Variants in TP53BP2 observed in about 807,000 individuals in gnomAD.
TP53BP2 encodes tumor protein p53 binding protein 2.
In TP53BP2, 62 loss-of-function variants were observed where a neutral mutation model predicts 126.2. That is an observed-to-expected ratio of 0.49 (90% CI 0.40 to 0.61). TP53BP2 has a LOEUF of 0.61. TP53BP2 is among the 20% of genes least tolerant of loss of function. The probability of loss-of-function intolerance (pLI) is 0.00; values close to 1 mark genes in which losing one functional copy is unlikely to be tolerated. For synonymous variants in TP53BP2, 485 were observed against 502.9 expected (o/e 0.96, Z 0.48); for missense variants, 1,215 against 1,402.8 (o/e 0.87, Z 2.14).
At chr1:223,843,742 T>C (rs1363258786) in intron 1 of TP53BP2, among the ~76,000 whole-genome samples, 1 of 152,224 alleles carries the variant, frequency 6.6e-6, no homozygotes, top group Non-Finnish European at 1.5e-5. Context: ...ATTACATTTA[T>C]GTTGGAATAA....
At chr1:223,831,865 A>T (rs1663746176) in intron 1 of TP53BP2, among the ~76,000 whole-genome samples, 1 of 152,108 alleles carries the variant, frequency 6.6e-6, no homozygotes, top group Non-Finnish European at 1.5e-5. Context: ...GCCCTTCCAA[A>T]AATTCAAAGT....
At chr1:223,807,922 G>T (rs978981761) in intron 4 of TP53BP2, among the ~76,000 whole-genome samples, 1 of 152,084 alleles carries the variant, frequency 6.6e-6, no homozygotes, top group African/African-American at 2.4e-5. Context: ...TGTAAAAATT[G>T]ATGTTGATTC....
At chr1:223,812,857 C>CGGCCTAATTT in intron 3 of TP53BP2, among the ~76,000 whole-genome samples, 1 of 152,188 alleles carries the variant, frequency 6.6e-6, no homozygotes, top group Middle Eastern at 3.4e-3. Context: ...CCACCATACC[C>CGGCCTAATTT]GGCCTAATTT....
chr1:223,845,399 T>C (rs987146220), intron 1 of TP53BP2: 2 of 466,758 alleles, frequency 4.3e-6, no homozygotes, highest in African/African-American at 4.2e-5. Context: ...GCGGCTCGCC[T>C]GACTCCGGAG....
intron 2 of TP53BP2, among the ~76,000 whole-genome samples, chr1:223,820,299 A>G (rs1663254493): frequency 6.6e-6 from 1 of 152,248 alleles, no homozygotes; most frequent in South Asian, 2.1e-4. Context: ...GAACTTCACA[A>G]CCTAATATTA....
intron 1 of TP53BP2, among the ~76,000 whole-genome samples, chr1:223,829,605 T>G (rs998746289): frequency 2.6e-5 from 4 of 152,170 alleles, no homozygotes; most frequent in African/African-American, 9.7e-5. Context: ...TGGGGTTCCC[T>G]AGAGTTAAAG....
intron 14 of TP53BP2, 97 bp from the exon 15 acceptor site, chr1:223,792,619 C>T: frequency 8.1e-7 from 1 of 1,231,632 alleles, no homozygotes; most frequent in Non-Finnish European, 1.1e-6. Context: ...CAGAAATGGA[C>T]TCTTGTGACA....
intron 1 of TP53BP2, among the ~76,000 whole-genome samples, chr1:223,829,131 A>G (rs1252503009): frequency 1.3e-5 from 2 of 152,124 alleles, no homozygotes; most frequent in Non-Finnish European, 2.9e-5. Context: ...ATTTGAGAGC[A>G]GACCATCCGG....
Position 223,812,475 on chromosome 1 carries a change from C to T in TP53BP2, c.289+1765G>A, listed in dbSNP as rs148642292. Reference sequence around the variant, plus strand: ...TCGGCTCACTGCAACATCCGCCTCCCGGGTTCAAGCGATTCTTCCACTTCA... The same window carrying T: ...TCGGCTCACTGCAACATCCGCCTCCTGGGTTCAAGCGATTCTTCCACTTCA... On this transcript the variant is annotated intron_variant, in intron 3 of 17. Coordinates refer to ENST00000343537, the MANE Select transcript of TP53BP2 (RefSeq NM_001031685.3). 1.7e-3 allele frequency among the ~76,000 whole-genome samples: 253 copies of T among 151,890 alleles called. 2 individuals carry two copies. The highest frequency in any genetic ancestry group is 5.0e-3 in the African/African-American group (207 of 41,380).
At chr1:223,831,779 CT>C (rs1218776934) in intron 1 of TP53BP2, among the ~76,000 whole-genome samples, 1 of 147,410 alleles carries the variant, frequency 6.8e-6, no homozygotes, top group Non-Finnish European at 1.5e-5. Flanking sequence ...AAAAAAAACA[CT>C]GTGTTAAGTT....
chr1:223,806,873 T>C lies in TP53BP2; in HGVS notation c.447A>G (p.Glu149=). The change falls in exon 5 of 18, where the codon GAA becomes GAG. Residue 149 remains glutamate, a synonymous_variant. Coordinates refer to ENST00000343537, the MANE Select transcript of TP53BP2 (RefSeq NM_001031685.3). ...EMASRQQQQI[E]AQQQLLATKE... ...TAGTTGCCAGCAATTGTTGCTGGGC[T>C]TCAATCTGTTGCTGCTGGCGAGATG... The C allele has an allele frequency of 1.9e-6, 3 of 1,613,956 alleles. No homozygotes were observed. Among genetic ancestry groups the C allele is most frequent in the East Asian group, 4.5e-5 (2 of 44,864 alleles).
At chr1:223,780,978 G>A in intron 17 of TP53BP2, 84 bp from the exon 18 acceptor site, 2 of 1,286,494 alleles carry the variant, frequency 1.6e-6, no homozygotes, top group South Asian at 1.3e-5. Flanking sequence ...GAGGTTAGGG[G>A]ACAGATGTCA....
At chr1:223,812,214 C>T (rs1401687826) in intron 3 of TP53BP2, among the ~76,000 whole-genome samples, 3 of 152,304 alleles carry the variant, frequency 2.0e-5, no homozygotes, top group Non-Finnish European at 4.4e-5. Context: ...GGTGTGTGGC[C>T]TCTGACAAGT....
At chr1:223,810,621 T>C (rs563771989) in intron 3 of TP53BP2, 108 bp from the exon 4 acceptor site, 6 of 792,886 alleles carry the variant, frequency 7.6e-6, no homozygotes, top group African/African-American at 3.5e-5. Context: ...TTAAGTTGAA[T>C]GTATTCTTAA....
At chr1:223,813,327 A>G (rs549306721) in intron 3 of TP53BP2, among the ~76,000 whole-genome samples, 4 of 152,120 alleles carry the variant, frequency 2.6e-5, no homozygotes, top group African/African-American at 9.6e-5. Flanking sequence ...GGACCACAAC[A>G]CTAGAAGCCC....
chr1:223,806,806 A>G (rs1662734005), intron 5 of TP53BP2, 40 bp downstream of exon 5: 1 of 1,534,832 alleles, frequency 6.5e-7, no homozygotes, highest in East Asian at 2.3e-5. Flanking sequence ...CCTAGGCGAC[A>G]GAGTGAGCAT....
chr1:223,819,172 G>A (rs1663206359), intron 2 of TP53BP2, among the ~76,000 whole-genome samples: 1 of 142,624 alleles, frequency 7.0e-6, no homozygotes, highest in Middle Eastern at 3.6e-3. Flanking sequence ...CAACAAGAGC[G>A]AAACTCTGTC....
intron 1 of TP53BP2, among the ~76,000 whole-genome samples, chr1:223,831,019 A>G (rs1305269150): frequency 6.6e-6 from 1 of 151,914 alleles, no homozygotes; most frequent in Non-Finnish European, 1.5e-5. Context: ...AATGGCATGA[A>G]CCTGGGAGGC....
intron 1 of TP53BP2, among the ~76,000 whole-genome samples, chr1:223,837,155 A>AGCGGGGG (rs1558111841): frequency 6.5e-5 from 5 of 76,704 alleles, no homozygotes; most frequent in Non-Finnish European, 1.3e-4. Context: ...TAAAAAAAAA[A>AGCGGGGG]GGGGGGGGGC....
Sources: allele counts gnomAD v4.1 joint callset (sites outside exome capture counted in the v4.1 genomes callset), GRCh38; gene constraint gnomAD v4.1.1; transcripts MANE v1.5; gene names NCBI Gene and HGNC (gene_info 2026-07-23, HGNC 2026-07-21).